AEBP2: variants seen among roughly 807,000 people sequenced by gnomAD.
The protein encoded by AEBP2 is zinc finger protein AEBP2.
Under a neutral mutation model 50.8 loss-of-function variants are expected in AEBP2, and 10 were observed. The observed-to-expected ratio is 0.20, with a 90% CI of 0.12 to 0.33. The LOEUF (loss-of-function observed/expected upper bound fraction) is 0.33. Ranked by LOEUF, AEBP2 falls within the 10% of genes least tolerant of loss-of-function variation. The probability of loss-of-function intolerance (pLI) is 1.00; values close to 1 mark genes in which losing one functional copy is unlikely to be tolerated. For synonymous variants in AEBP2, 296 were observed against 261.3 expected, an observed-to-expected ratio of 1.13 and a Z score of -1.28; for missense variants, 570 against 688.0, an observed-to-expected ratio of 0.83 and a Z score of 1.92.
Position 19,518,580 on chromosome 12 carries a change from A to G in AEBP2, c.*463A>G, listed in dbSNP as rs1949353338. 1.5e-6 allele frequency: 2 copies of G among 1,368,154 alleles called. No individual in the cohort carries two copies. The allele number at this position is 1,368,154 out of a possible 1,614,324, so 84.8% of individuals were successfully genotyped here. A position where few individuals can be genotyped will look rare whatever the true frequency, so the allele number is the denominator to read the frequency against. On this transcript the variant is annotated 3_prime_UTR_variant, in exon 8 of 8. Transcript: ENST00000266508. ...GTGTTTATTGATTTGAAGTCATATT[A>G]GGAAATATTTAGACAATGAAAATTA...
chr12:19,521,668 T>C lies in AEBP2; in HGVS notation c.*3551T>C. 1 of 152,132 alleles carries C rather than the reference T, an allele frequency of 6.6e-6. No homozygotes were observed. 9.4% of individuals were successfully genotyped at this position (152,132 alleles called of 1,614,324 possible). A position where few individuals can be genotyped will look rare whatever the true frequency, so the allele number is the denominator to read the frequency against. ...GATTTGTTTTACTAATTGAAAACAG[T>C]ATGTCAGTAAATCTTTGGCCTTAGT... On this transcript the variant is annotated 3_prime_UTR_variant, in exon 8 of 8. Transcript: ENST00000266508.
intron 1 of AEBP2, among the ~76,000 whole-genome samples, chr12:19,424,500 C>G (rs1229384602): frequency 2.0e-5 from 3 of 151,890 alleles, no homozygotes; most frequent in African/African-American, 7.2e-5. Context: ...GGGTTCACGC[C>G]ACTCTCCTGC....
At chr12:19,435,427 A>G (rs2095753722), upstream of AEBP2, among the ~76,000 whole-genome samples, 1 of 151,986 alleles carries the variant, frequency 6.6e-6, no homozygotes, top group Admixed American at 6.6e-5. Flanking sequence ...TTGTAGAGAT[A>G]GGGTTTCACC....
intron 4 of AEBP2, among the ~76,000 whole-genome samples, chr12:19,499,614 T>TAG: frequency 8.9e-6 from 1 of 112,170 alleles, no homozygotes; most frequent in East Asian, 2.5e-4. Context: ...ACTCTGTCTC[T>TAG]TAAAAAAAAA....
At chr12:19,440,452 G>T in intron 1 of AEBP2, 82 bp downstream of exon 1, 1 of 1,422,198 alleles carries the variant, frequency 7.0e-7, no homozygotes. Flanking sequence ...GCGACGTTTT[G>T]CCGCGATCCC....
chr12:19,440,030 A>G lies in AEBP2; in HGVS notation c.331A>G (p.Ser111Gly). The change falls in exon 1 of 8, where the codon AGC (serine) becomes GGC (glycine). Residue 111 changes from serine to glycine, a missense_variant. Physicochemically the swap from Ser to Gly is moderately conservative, Grantham distance 56. Coordinates refer to ENST00000266508, the MANE Select transcript of AEBP2 (RefSeq NM_153207.5). Reference protein sequence around the residue: ...EDDEEEEDESSSSGGGEEESS... With the variant: ...EDDEEEEDESGSSGGGEEESS... ...CGACGAGGAGGAGGAAGATGAGAGC[A>G]GCAGCAGCGGCGGGGGTGAGGAGGA... is the stretch of plus-strand genomic sequence containing the variant. 1.3e-6 allele frequency: 2 copies of G among 1,524,906 alleles called. No homozygotes were observed. The highest frequency in any genetic ancestry group is 1.8e-6 in the Non-Finnish European group (2 of 1,142,084). The allele number at this position is 1,524,906 out of a possible 1,614,324, so 94.5% of individuals were successfully genotyped here.
intron 1 of AEBP2, among the ~76,000 whole-genome samples, chr12:19,417,160 C>T (rs1198210432): frequency 6.6e-6 from 1 of 152,090 alleles, no homozygotes; most frequent in African/African-American, 2.4e-5. Context: ...GCGTAAACCA[C>T]TGCGCCCGGC....
upstream of AEBP2, among the ~76,000 whole-genome samples, chr12:19,436,534 G>A (rs372153042): frequency 1.3e-5 from 2 of 151,904 alleles, no homozygotes; most frequent in African/African-American, 4.8e-5. Flanking sequence ...GGTCGGGATC[G>A]GGGCCCCTTT....
chr12:19,446,452 G>T (rs1948068530), intron 1 of AEBP2, among the ~76,000 whole-genome samples: 1 of 152,116 alleles, frequency 6.6e-6, no homozygotes, highest in Non-Finnish European at 1.5e-5. Flanking sequence ...TCTACAGGCG[G>T]GACACGGTAG....
rs1347697089 is a variant in AEBP2, at chr12:19,518,214, C to A, written c.*97C>A. 12 of 1,335,006 alleles carry A rather than the reference C, an allele frequency of 9.0e-6. No individual in the cohort carries two copies. The highest frequency in any genetic ancestry group is 1.1e-5 in the Non-Finnish European group (11 of 1,044,946). The allele number at this position is 1,335,006 out of a possible 1,614,324, so 82.7% of individuals were successfully genotyped here. ...GGAAAGTTGCACATTAGAGTCAACC[C>A]CTTCTTTTTTTTTTTTTTTTTTTTA... On this transcript the variant is annotated 3_prime_UTR_variant, in exon 8 of 8. Coordinates refer to ENST00000266508, the MANE Select transcript of AEBP2 (RefSeq NM_153207.5).
intron 3 of AEBP2, among the ~76,000 whole-genome samples, chr12:19,489,476 A>G (rs1042759468): frequency 6.6e-6 from 1 of 152,198 alleles, no homozygotes; most frequent in African/African-American, 2.4e-5. Context: ...ATAATTCAAG[A>G]TGAGATTTGG....
At chr12:19,444,354 T>C (rs2153366740) in intron 1 of AEBP2, among the ~76,000 whole-genome samples, 1 of 152,324 alleles carries the variant, frequency 6.6e-6, no homozygotes, top group African/African-American at 2.4e-5. Context: ...AAGTAGTAAA[T>C]TAGCTTTTAA....
In AEBP2 at chr12:19,440,095, C is replaced by T. The variant is rs1056381683; in HGVS notation, c.396C>T (p.Ser132=). 6.6e-7 allele frequency: 1 copy of T among 1,507,386 alleles called. No homozygotes were observed. Among genetic ancestry groups the T allele is most frequent in the Non-Finnish European group, 8.8e-7 (1 of 1,134,450 alleles). The allele number at this position is 1,507,386 out of a possible 1,614,324, so 93.4% of individuals were successfully genotyped here. The change falls in exon 1 of 8, where the codon AGC becomes AGT. Residue 132 remains serine, a synonymous_variant. Coordinates refer to ENST00000266508, the MANE Select transcript of AEBP2 (RefSeq NM_153207.5). ...GCCTGGTGGGCAGCAGCGGCGGGAG[C>T]AGCAGCGACGAGACCCGCTCGTTGA... ...AESLVGSSGG[S]SSDETRSLSP... is the part of the protein sequence containing the mutation.
At chr12:19,452,778 C>A (rs537973376) in intron 1 of AEBP2, among the ~76,000 whole-genome samples, 20 of 151,890 alleles carry the variant, frequency 1.3e-4, no homozygotes, top group African/African-American at 4.8e-4. Context: ...ATTATAAGGG[C>A]GGGAGAGACA....
intron 2 of AEBP2, among the ~76,000 whole-genome samples, chr12:19,464,742 A>T (rs1477827958): frequency 1.3e-5 from 2 of 151,550 alleles, no homozygotes; most frequent in South Asian, 4.2e-4. Flanking sequence ...CTGAGCCACC[A>T]TGCCTGGCTA....
Position 19,472,780 on chromosome 12 carries a change from A to G in AEBP2, c.880-468A>G, listed in dbSNP as rs113165968. On this transcript the variant is annotated intron_variant, in intron 2 of 7. Transcript: ENST00000266508. ...TTTCATTCATTCTTTGAAGTTGAAA[A>G]TATCAGTATCTTCTAATTAACATTT... Among the ~76,000 whole-genome samples the G allele has an allele frequency of 6.4e-3, 969 of 152,274 alleles. 7 individuals carry two copies. Among genetic ancestry groups the G allele is most frequent in the African/African-American group, 0.019 (788 of 41,560 alleles).
intron 1 of AEBP2, among the ~76,000 whole-genome samples, chr12:19,441,719 C>T (rs1444045483): frequency 1.3e-5 from 2 of 152,098 alleles, no homozygotes; most frequent in Non-Finnish European, 2.9e-5. Context: ...TTGTGTTGAA[C>T]TGTGTAGGCA....
chr12:19,425,940 T>TCCAAG lies in AEBP2; in HGVS notation c.-17+21725_-17+21726insCAAGC, dbSNP rs1272716502. ...TCCCAAGCTGTCCTATGGTGGGATTTCTGTTTTTCTTTTTGAGACAGGGTC... is the reference window on the plus strand; with the variant it reads ...TCCCAAGCTGTCCTATGGTGGGATTTCCAAGCTGTTTTTCTTTTTGAGACAGGGTC... On this transcript the variant is annotated intron_variant, in intron 1 of 3. Coordinates refer to the AEBP2 transcript ENST00000538425. 3.3e-5 allele frequency among the ~76,000 whole-genome samples: 5 copies of TCCAAG among 152,118 alleles called. No individual in the cohort carries two copies. The East Asian group carries it at 9.7e-4, about 29-fold the overall frequency.
rs375813576 is a variant in AEBP2, at chr12:19,511,895, T to C, written c.1300-503T>C. Among the ~76,000 whole-genome samples the C allele has an allele frequency of 1.2e-4, 19 of 152,212 alleles. No individual in the cohort carries two copies. In the East Asian group the frequency reaches 3.3e-3, roughly 26 times the overall value. On this transcript the variant is annotated intron_variant, in intron 5 of 7. Transcript: ENST00000266508. Reference sequence around the variant, plus strand: ...ACAAAGGTTCACAGGATAAGAAATATTCCTGTGTCATGGAGTTTTCAGTCT... The same window carrying C: ...ACAAAGGTTCACAGGATAAGAAATACTCCTGTGTCATGGAGTTTTCAGTCT...
Sources: gnomAD v4.1 joint callset for allele counts (sites outside exome capture counted in the v4.1 genomes callset) on GRCh38, gnomAD v4.1.1 for gene constraint, MANE v1.5 for transcripts, NCBI Gene and HGNC (gene_info 2026-07-23, HGNC 2026-07-21) for gene names.